Variants in ATP10D observed in about 807,000 individuals in gnomAD.
ATP10D encodes ATPase phospholipid transporting 10D (putative), also known as phospholipid-transporting ATPase VD.
ATP10D carries 89 observed loss-of-function variants against 144.8 expected under a neutral mutation model. The ratio of observed to expected loss-of-function variants is 0.61; its 90% confidence interval spans 0.52 to 0.73. The LOEUF is 0.73. ATP10D is among the 30% of genes least tolerant of loss of function. ATP10D has a pLI of 0.00. For missense variants in ATP10D, 1,603 were observed against 1,714.8 expected, an observed-to-expected ratio of 0.93 and a Z score of 1.15; for synonymous variants, 571 against 615.1, an observed-to-expected ratio of 0.93 and a Z score of 1.06.
chr4:47,495,819 C>A (rs1303805738), intron 1 of ATP10D, among the ~76,000 whole-genome samples: 2 of 151,662 alleles, frequency 1.3e-5, no homozygotes, highest in East Asian at 3.9e-4. Flanking sequence ...CTCACTGCAA[C>A]CTCCATCTCC....
chr4:47,573,393 A>G (rs1303424842), intron 18 of ATP10D, among the ~76,000 whole-genome samples: 1 of 152,264 alleles, frequency 6.6e-6, no homozygotes, highest in Non-Finnish European at 1.5e-5. Flanking sequence ...GCTCTTCCAA[A>G]TTAATGCCCC....
intron 1 of ATP10D, among the ~76,000 whole-genome samples, chr4:47,503,867 C>T (rs1051293303): frequency 1.3e-5 from 2 of 151,802 alleles, no homozygotes; most frequent in African/African-American, 2.4e-5. Context: ...CCACTGCACT[C>T]CAGCCTGGGC....
At chr4:47,528,458 G>GGTGTGT (rs372960268) in intron 5 of ATP10D, among the ~76,000 whole-genome samples, 5 of 116,214 alleles carry the variant, frequency 4.3e-5, no homozygotes, top group African/African-American at 1.6e-4. Flanking sequence ...AGTAGTCCAT[G>GGTGTGT]GTGTGTGTGT....
intron 15 of ATP10D, among the ~76,000 whole-genome samples, chr4:47,564,302 T>A (rs1719482587): frequency 6.6e-6 from 1 of 152,126 alleles, no homozygotes; most frequent in South Asian, 2.1e-4. Flanking sequence ...TTCAGAGGAA[T>A]CATTGCTGAA....
At chr4:47,548,308 C>T (rs926836481) in intron 10 of ATP10D, among the ~76,000 whole-genome samples, 1 of 152,204 alleles carries the variant, frequency 6.6e-6, no homozygotes, top group African/African-American at 2.4e-5. Context: ...TATACTACCT[C>T]TATCCATCAA....
Position 47,557,679 on chromosome 4 carries a change from C to T in ATP10D, c.1840C>T (p.Leu614=). The T allele has an allele frequency of 1.9e-6, 3 of 1,609,530 alleles. No homozygotes were observed. Among genetic ancestry groups the T allele is most frequent in the Non-Finnish European group, 2.6e-6 (3 of 1,176,368 alleles). ...TCTTTCATAGATCAGACACCCTTCA[C>T]TGGGGGGGTTGCCCATTAAGTCTTT... ...QPRQKIRHPS[L]GGLPIKSLEE... is the part of the protein sequence containing the mutation. The change falls in exon 12 of 23, where the codon CTG becomes TTG. Residue 614 remains leucine, a synonymous_variant. Transcript: ENST00000273859.
intron 1 of ATP10D, among the ~76,000 whole-genome samples, chr4:47,486,222 T>A (rs1287088775): frequency 6.6e-6 from 1 of 152,198 alleles, no homozygotes; most frequent in Non-Finnish European, 1.5e-5. Context: ...CAGAGAGACA[T>A]CAGTTGGTTA....
intron 1 of ATP10D, among the ~76,000 whole-genome samples, chr4:47,492,139 C>T (rs1715114337): frequency 6.6e-6 from 1 of 152,174 alleles, no homozygotes; most frequent in African/African-American, 2.4e-5. Context: ...AATTACTGAG[C>T]ACCTTCAGTG....
chr4:47,509,613 C>T (rs1716207425), intron 1 of ATP10D, among the ~76,000 whole-genome samples: 1 of 152,108 alleles, frequency 6.6e-6, no homozygotes, highest in African/African-American at 2.4e-5. Flanking sequence ...CTGTATTAAC[C>T]ATAGTCATCG....
intron 14 of ATP10D, 136 bp downstream of exon 14, chr4:47,561,211 A>G (rs2109451535): frequency 8.7e-7 from 1 of 1,144,976 alleles, no homozygotes; most frequent in Admixed American, 2.1e-5. Flanking sequence ...TCTGATCTCT[A>G]TCCAACTTCC....
intron 4 of ATP10D, among the ~76,000 whole-genome samples, chr4:47,524,084 G>C (rs1717110825): frequency 6.6e-6 from 1 of 152,126 alleles, no homozygotes; most frequent in African/African-American, 2.4e-5. Flanking sequence ...GTGCCACCAT[G>C]CCCGGCTAAT....
intron 13 of ATP10D, among the ~76,000 whole-genome samples, chr4:47,559,792 G>T (rs1719197537): frequency 6.6e-6 from 1 of 152,146 alleles, no homozygotes; most frequent in East Asian, 1.9e-4. Context: ...CTGAGGTCAG[G>T]AGTTCAAGAT....
chr4:47,492,236 T>G (rs555618693), intron 1 of ATP10D, among the ~76,000 whole-genome samples: 1 of 152,336 alleles, frequency 6.6e-6, no homozygotes, highest in East Asian at 1.9e-4. Context: ...ATTTGGAAAC[T>G]GATGCTCAGA....
chr4:47,495,357 C>T lies in ATP10D; in HGVS notation c.-38+9838C>T, dbSNP rs1715297102. The stretch of plus-strand genomic sequence containing the variant: ...GAAAAAAAAGAGTTAAAGGAATGCA[C>T]CTCTTTTCCACATCTTAAATGTAAA... On this transcript the variant is annotated intron_variant, in intron 1 of 22. Transcript: ENST00000273859. Among the ~76,000 whole-genome samples, 4 of 152,068 alleles carry T rather than the reference C, an allele frequency of 2.6e-5. No homozygotes were observed. In the South Asian group the frequency reaches 8.3e-4, roughly 32 times the overall value.
At chr4:47,554,424 G>A (rs1430686839) in intron 10 of ATP10D, among the ~76,000 whole-genome samples, 2 of 152,120 alleles carry the variant, frequency 1.3e-5, no homozygotes, top group African/African-American at 2.4e-5. Flanking sequence ...CTGCTATTAT[G>A]TATTTCAAAA....
chr4:47,559,163 T>G (rs1719149544), intron 13 of ATP10D, 134 bp downstream of exon 13: 2 of 623,222 alleles, frequency 3.2e-6, no homozygotes, highest in Non-Finnish European at 2.8e-6. Flanking sequence ...TCTTTTTACC[T>G]TCTCTATTCC....
intron 9 of ATP10D, among the ~76,000 whole-genome samples, chr4:47,544,094 A>G (rs1718296695): frequency 6.6e-6 from 1 of 152,218 alleles, no homozygotes; most frequent in Non-Finnish European, 1.5e-5. Flanking sequence ...ACAGTAAAGC[A>G]TGGGGCTGTG....
rs77189406 is a variant in ATP10D, at chr4:47,543,298, T to C, written c.1397-3326T>C. Among the ~76,000 whole-genome samples, 792 of 152,294 alleles carry C rather than the reference T, an allele frequency of 5.2e-3. 17 individuals are homozygous for C. The East Asian group carries it at 0.069, about 13-fold the overall frequency. ...GACATCCACTGGGGGTCTTGGAACA[T>C]ATCCCCTGTGAAAAAGGGGAAACTT... On this transcript the variant is annotated intron_variant, in intron 9 of 22. Transcript: ENST00000273859.
At position 47,550,229 on chromosome 4, in the gene ATP10D, G is replaced by C. The variant is rs932106062; in HGVS notation, c.1635+3367G>C. Among the ~76,000 whole-genome samples the C allele has an allele frequency of 3.3e-5, 5 of 152,038 alleles. No individual in the cohort carries two copies. The East Asian group carries it at 9.6e-4, about 29-fold the overall frequency. The stretch of plus-strand genomic sequence containing the variant: ...CTAAACCGTGGGTTTTTAAAGTTTT[G>C]CATAAACAATTATAGTGGGCTGCTG... On this transcript the variant is annotated intron_variant, in intron 10 of 22. Transcript: ENST00000273859.
Sources: allele counts gnomAD v4.1 joint callset (sites outside exome capture counted in the v4.1 genomes callset), GRCh38; gene constraint gnomAD v4.1.1; transcripts MANE v1.5; gene names NCBI Gene and HGNC (gene_info 2026-07-23, HGNC 2026-07-21).